The following TOR2A variants were observed in gnomAD, a reference collection of about 807,000 sequenced individuals.
TOR2A encodes prosalusin.
TOR2A carries 24 observed loss-of-function variants against 28.6 expected under a neutral mutation model. The ratio of observed to expected loss-of-function variants is 0.84; its 90% CI spans 0.61 to 1.18. TOR2A has a LOEUF of 1.18. TOR2A is among the 50% of genes most tolerant of loss of function. The pLI is 0.00. For missense variants in TOR2A, 426 were observed against 448.1 expected, an observed-to-expected ratio of 0.95 and a Z score of 0.45; for synonymous variants, 203 against 203.1, an observed-to-expected ratio of 1.00 and a Z score of 0.00.
intron 3 of TOR2A, chr9:127,733,120 A>G (rs1844529607): frequency 6.6e-7 from 1 of 1,519,874 alleles, no homozygotes; most frequent in Non-Finnish European, 8.8e-7. Flanking sequence ...CCTCACCACA[A>G]AAGAGGGAAA....
intron 3 of TOR2A, chr9:127,732,904 A>C: frequency 2.1e-6 from 3 of 1,417,876 alleles, no homozygotes; most frequent in Non-Finnish European, 2.7e-6. Flanking sequence ...TATAGTTTAC[A>C]AAACACTTTT....
intron 1 of TOR2A, 137 bp downstream of exon 1, chr9:127,734,983 G>T: frequency 7.9e-7 from 1 of 1,260,884 alleles, no homozygotes; most frequent in Non-Finnish European, 1.0e-6. Context: ...TCCCAAGTCT[G>T]CGGGCCCCGC....
rs753740097 is a variant in TOR2A at position 127,734,535 on chromosome 9, C to A, written c.181G>T (p.Ala61Ser). 3.3e-6 allele frequency: 5 copies of A among 1,530,538 alleles called. No individual in the cohort carries two copies. In the Admixed American group the frequency reaches 1.0e-4, roughly 31 times the overall value. The allele number at this position is 1,530,538 out of a possible 1,614,324, so 94.8% of individuals were successfully genotyped here. Residue 61 changes from alanine (A) to serine (S), a missense_variant, in exon 2 of 5, where the codon GCC (alanine) becomes TCC (serine). Transcript: ENST00000373284. ...GLECDLAQHL[A>S]GQHLAKALVV... is the part of the protein sequence containing the mutation. Reference sequence around the variant, plus strand: ...AGCGCCTTGGCCAGATGCTGGCCGGCCAGGTGCTGAGCCAGGTCACACTCC... The same window carrying A: ...AGCGCCTTGGCCAGATGCTGGCCGGACAGGTGCTGAGCCAGGTCACACTCC...
At position 127,735,275 on chromosome 9, in the gene TOR2A, G is replaced by A. The variant is rs758560084; in HGVS notation, c.-5C>T. ...GCCGCGCGTCGCAGCCGCCATCCGG[G>A]TGAGGCCCGAGCTCGTTGTGGGGCA... On this transcript the variant is annotated 5_prime_UTR_variant, in exon 1 of 5. Transcript: ENST00000373284. 356 of 1,388,398 alleles carry A rather than the reference G, an allele frequency of 2.6e-4. 2 individuals are homozygous for A. The highest frequency in any genetic ancestry group is 4.1e-4 in the African/African-American group (27 of 66,000). The allele number at this position is 1,388,398 out of a possible 1,614,324, so 86.0% of individuals were successfully genotyped here.
Position 127,732,619 on chromosome 9 carries a change from G to A in TOR2A, c.666C>T (p.Ile222=). Residue 222 remains isoleucine, a synonymous_variant, in exon 4 of 5, where the codon ATC becomes ATT. Transcript: ENST00000373284. The part of the protein sequence containing the change: ...AWRSRRDREE[I]LLQELEPVIS... Reference sequence around the variant, plus strand: ...TGACCGGCTCCAGCTCCTGCAGGAGGATCTCCTCGCGGTCCCGCCGGCTGC... The same window carrying A: ...TGACCGGCTCCAGCTCCTGCAGGAGAATCTCCTCGCGGTCCCGCCGGCTGC... 6.3e-7 allele frequency: 1 copy of A among 1,581,158 alleles called. No homozygotes were observed. Among genetic ancestry groups the A allele is most frequent in the Admixed American group, 1.8e-5 (1 of 54,738 alleles).
rs748323312 is a variant in TOR2A, at chr9:127,732,630, G to A, written c.655C>T (p.Arg219Cys). The part of the protein sequence containing the change: ...ALEAWRSRRD[R>C]EEILLQELEP... ...AGCTCCTGCAGGAGGATCTCCTCGCGGTCCCGCCGGCTGCGCCACGCCTCC... is the reference window on the plus strand; with the variant it reads ...AGCTCCTGCAGGAGGATCTCCTCGCAGTCCCGCCGGCTGCGCCACGCCTCC... The change falls in exon 4 of 5, where the codon CGC becomes TGC. Residue 219 changes from arginine to cysteine, a missense_variant. Arg to Cys is a radical substitution (Grantham distance 180). Transcript: ENST00000373284. 21 of 1,574,698 alleles carry A rather than the reference G, an allele frequency of 1.3e-5. No homozygotes were observed. The highest frequency in any genetic ancestry group is 3.5e-5 in the South Asian group (3 of 85,988).
chr9:127,732,952 G>A, intron 3 of TOR2A: 3 of 1,395,784 alleles, frequency 2.1e-6, no homozygotes, highest in Non-Finnish European at 2.8e-6. Flanking sequence ...GAACTTCCAG[G>A]AAGGCATCGG....
At chr9:127,733,851 T>G in intron 2 of TOR2A, 1 of 474,032 alleles carries the variant, frequency 2.1e-6, no homozygotes, top group Non-Finnish European at 3.8e-6. Context: ...TCCTTCCTGC[T>G]CCCTGAAACT....
intron 3 of TOR2A, chr9:127,732,991 A>G (rs1844519489): frequency 1.4e-6 from 2 of 1,384,042 alleles, no homozygotes; most frequent in African/African-American, 1.5e-5. Flanking sequence ...GCTGTTCAGA[A>G]GCAGAGACAG....
Position 127,734,346 on chromosome 9 carries a change from A to G in TOR2A, c.370T>C (p.Ser124Pro). The G allele has an allele frequency of 6.2e-7, 1 of 1,609,210 alleles. No individual in the cohort carries two copies. The part of the protein sequence containing the change: ...GLRSPRVHHF[S>P]PVLHFPHPSH... ...GGGTGGGGGAAGTGGAGGACGGGAG[A>G]AAAGTGGTGCACGCGGGGGCTGCGG... The change falls in exon 2 of 5, where the codon TCT (serine) becomes CCT (proline). Residue 124 changes from serine to proline, a missense_variant. Ser to Pro is a moderately conservative substitution (Grantham distance 74). Transcript: ENST00000373284.
Position 127,735,292 on chromosome 9 carries a change from T to G in TOR2A, c.-22A>C. 3 of 1,365,454 alleles carry G rather than the reference T, an allele frequency of 2.2e-6. No homozygotes were observed. The highest frequency in any genetic ancestry group is 2.8e-6 in the Non-Finnish European group (3 of 1,066,790). 84.6% of individuals were successfully genotyped at this position (1,365,454 alleles called of 1,614,324 possible). On this transcript the variant is annotated 5_prime_UTR_variant, in exon 1 of 5. Transcript: ENST00000373284. Reference sequence around the variant, plus strand: ...CCATCCGGGTGAGGCCCGAGCTCGTTGTGGGGCAGTCAACTGCCTCGCCCG... The same window carrying G: ...CCATCCGGGTGAGGCCCGAGCTCGTGGTGGGGCAGTCAACTGCCTCGCCCG...
chr9:127,732,588 G>C lies in TOR2A; in HGVS notation c.697C>G (p.Arg233Gly). The C allele has an allele frequency of 1.3e-6, 2 of 1,591,034 alleles. No homozygotes were observed. The highest frequency in any genetic ancestry group is 1.7e-6 in the Non-Finnish European group (2 of 1,172,020). ...LLQELEPVIS[R>G]AVLDNPHHGF... ...CGGTGCGGGTTGTCCAGCACCGCGC[G>C]GGAGATGACCGGCTCCAGCTCCTGC... Residue 233 changes from arginine to glycine, a missense_variant, in exon 4 of 5, where the codon CGC becomes GGC. Transcript: ENST00000373284.
At chr9:127,734,106 G>A (rs1844583606) in intron 2 of TOR2A, 193 bp downstream of exon 2, 1 of 642,058 alleles carries the variant, frequency 1.6e-6, no homozygotes, top group East Asian at 3.3e-5. Flanking sequence ...GTTCCTTACT[G>A]CCCCAAGGAA....
intron 1 of TOR2A, chr9:127,734,814 C>G: frequency 1.9e-6 from 1 of 521,644 alleles, no homozygotes; most frequent in Non-Finnish European, 3.1e-6. Context: ...TCAACGGGGT[C>G]AGCCGCAGAC....
chr9:127,734,052 T>C lies in TOR2A; in HGVS notation c.417+247A>G, dbSNP rs145438346. On this transcript the variant is annotated intron_variant, in intron 2 of 4. Coordinates refer to ENST00000373284, the MANE Select transcript of TOR2A (RefSeq NM_001085347.3). ...ATAAATGATATCTGCAATGGTATAA[T>C]CTCATGTCCCTCACAACAACCCTGG... 423 of 471,596 alleles carry C rather than the reference T, an allele frequency of 9.0e-4. 6 individuals are homozygous for C. In the East Asian group the frequency reaches 0.014, roughly 16 times the overall value. 29.2% of individuals were successfully genotyped at this position (471,596 alleles called of 1,614,324 possible).
rs1401727841 is a variant in TOR2A at position 127,735,100 on chromosome 9, C to T, written c.151+20G>A. The T allele has an allele frequency of 4.8e-6, 7 of 1,447,328 alleles. No homozygotes were observed. The highest frequency in any genetic ancestry group is 5.4e-6 in the Non-Finnish European group (6 of 1,106,176). 89.7% of individuals were successfully genotyped at this position (1,447,328 alleles called of 1,614,324 possible). The stretch of plus-strand genomic sequence containing the variant: ...GCCCGCGTCCGCCCGCCCCTCGCTC[C>T]GGGCTCCCTGGCGCCTCACCCGGCA... On this transcript the variant is annotated intron_variant, in intron 1 of 4. Coordinates refer to ENST00000373284, the MANE Select transcript of TOR2A (RefSeq NM_001085347.3).
At position 127,735,112 on chromosome 9, in the gene TOR2A, C is replaced by A. The variant is rs767089532; in HGVS notation, c.151+8G>T. On this transcript the variant is annotated splice_region_variant and intron_variant, in intron 1 of 4. Coordinates refer to ENST00000373284, the MANE Select transcript of TOR2A (RefSeq NM_001085347.3). The stretch of plus-strand genomic sequence containing the variant: ...CCGCCCCTCGCTCCGGGCTCCCTGG[C>A]GCCTCACCCGGCAAGTCGGGCCGGA... The A allele has an allele frequency of 6.8e-7, 1 of 1,468,070 alleles. No individual in the cohort carries two copies. Among genetic ancestry groups the A allele is most frequent in the African/African-American group, 1.5e-5 (1 of 68,044 alleles). The allele number at this position is 1,468,070 out of a possible 1,614,324, so 90.9% of individuals were successfully genotyped here.
At chr9:127,734,146 A>G in intron 2 of TOR2A, 153 bp downstream of exon 2, 3 of 1,022,064 alleles carry the variant, frequency 2.9e-6, no homozygotes, top group Non-Finnish European at 4.1e-6. Context: ...GTAGAATGAC[A>G]CCTTCCCAAG....
At position 127,732,866 on chromosome 9, in the gene TOR2A, G is replaced by C. The variant is rs554784335; in HGVS notation, c.594-175C>G. ...CATGGTGTCCACATCCATGGCCCCT[G>C]TAATTCACCTACACATGCCACGTAC... On this transcript the variant is annotated intron_variant, in intron 3 of 4. Coordinates refer to ENST00000373284, the MANE Select transcript of TOR2A (RefSeq NM_001085347.3). 14 of 1,427,610 alleles carry C rather than the reference G, an allele frequency of 9.8e-6. No homozygotes were observed. The South Asian group carries it at 2.1e-4, about 22-fold the overall frequency. 88.4% of individuals were successfully genotyped at this position (1,427,610 alleles called of 1,614,324 possible).
Sources: gnomAD v4.1 joint callset for allele counts on GRCh38, gnomAD v4.1.1 for gene constraint, MANE v1.5 for transcripts, NCBI Gene and HGNC (gene_info 2026-07-23, HGNC 2026-07-21) for gene names.